DNAH9: variants seen among roughly 807,000 people sequenced by gnomAD.
DNAH9 encodes the protein dynein axonemal heavy chain 9.
In DNAH9, 345 loss-of-function variants were observed where a neutral mutation model predicts 471.6. The observed-to-expected ratio is 0.73, with a 90% CI of 0.67 to 0.80. The LOEUF (loss-of-function observed/expected upper bound fraction) is 0.80. Among genes scored for constraint, DNAH9 ranks in the 30% least tolerant of loss-of-function variants. The probability of loss-of-function intolerance (pLI) is 0.00; values close to 1 mark genes in which losing one functional copy is unlikely to be tolerated. For synonymous variants in DNAH9, 2,093 were observed against 2,123.6 expected, an observed-to-expected ratio of 0.99 and a Z score of 0.40; for missense variants, 5,407 against 5,609.2, an observed-to-expected ratio of 0.96 and a Z score of 1.15.
chr17:11,794,008 G>T (rs990487585), intron 42 of DNAH9, among the ~76,000 whole-genome samples: 3 of 151,386 alleles, frequency 2.0e-5, no homozygotes, highest in African/African-American at 7.3e-5. Flanking sequence ...GCCATTTTGG[G>T]GCTGCTAATA....
intron 33 of DNAH9, among the ~76,000 whole-genome samples, 197 bp from the exon 34 acceptor site, chr17:11,756,371 T>G (rs1197125771): frequency 6.6e-6 from 1 of 152,066 alleles, no homozygotes; most frequent in Non-Finnish European, 1.5e-5. Flanking sequence ...TGTCTCCCAC[T>G]GGGTCCCTCC....
chr17:11,930,631 C>G (rs1974475113), intron 63 of DNAH9, among the ~76,000 whole-genome samples: 1 of 151,986 alleles, frequency 6.6e-6, no homozygotes, highest in East Asian at 1.9e-4. Context: ...GTTAGAAATG[C>G]AGATTTTTCT....
In DNAH9 at chr17:11,900,244, G is replaced by T. The variant is rs985337289; in HGVS notation, c.11407-2475G>T. The stretch of plus-strand genomic sequence containing the variant: ...CACACGACTTATCTGCACCATTGAA[G>T]GATGATTCCCTGCTGTAAGTGATCA... On this transcript the variant is annotated intron_variant, in intron 59 of 68. Transcript: ENST00000262442. Among the ~76,000 whole-genome samples, 8 of 152,062 alleles carry T rather than the reference G, an allele frequency of 5.3e-5. No individual in the cohort carries two copies. In the South Asian group the frequency reaches 1.0e-3, roughly 20 times the overall value.
At position 11,874,971 on chromosome 17, in the gene DNAH9, C is replaced by T; in HGVS notation, c.10265C>T (p.Ala3422Val). 4 of 1,614,024 alleles carry T rather than the reference C, an allele frequency of 2.5e-6. No homozygotes were observed. The highest frequency in any genetic ancestry group is 2.2e-5 in the East Asian group (1 of 44,858). ...CAGACTCCCATTCCAGTCACCCCAG[C>T]CCTGGATCCCCTGAGGATGCTGATG... ...QLKTPIPVTP[A>V]LDPLRMLMDD... The change falls in exon 53 of 69, where the codon GCC becomes GTC. Residue 3422 changes from alanine (A) to valine (V), a missense_variant. Around this residue, in one of 3 missense-constraint regions of DNAH9, gnomAD observed 4,636 missense variants for 4,900.3 expected, o/e 0.95. Transcript: ENST00000262442.
chr17:11,655,805 C>A (rs2073631338), intron 14 of DNAH9, among the ~76,000 whole-genome samples: 1 of 151,476 alleles, frequency 6.6e-6, no homozygotes, highest in South Asian at 2.1e-4. Flanking sequence ...TAAGTGGGAG[C>A]TAAACTATGA....
At chr17:11,611,582 G>A in intron 3 of DNAH9, 68 bp from the exon 4 acceptor site, 1 of 1,483,244 alleles carries the variant, frequency 6.7e-7, no homozygotes, top group Non-Finnish European at 9.3e-7. Flanking sequence ...GTGTGACGAT[G>A]GGTCATCACA....
chr17:11,781,583 C>T (rs568995526), intron 39 of DNAH9, among the ~76,000 whole-genome samples: 1 of 152,288 alleles, frequency 6.6e-6, no homozygotes, highest in East Asian at 1.9e-4. Context: ...CCTGTAATCC[C>T]AGCACTTTGG....
chr17:11,618,501 G>T (rs184139910), intron 5 of DNAH9, among the ~76,000 whole-genome samples: 1 of 151,242 alleles, frequency 6.6e-6, no homozygotes, highest in African/African-American at 2.4e-5. Context: ...CAGGAGAATC[G>T]CTTGAACCCG....
intron 26 of DNAH9, among the ~76,000 whole-genome samples, chr17:11,711,893 TAA>T (rs376201450): frequency 0.35 from 5,292 of 15,158 alleles, 2,027 homozygotes; most frequent in Middle Eastern, 0.53. Context: ...TATTTATATA[TAA>T]ATATATATAT....
At chr17:11,779,006 CA>C (rs1009557582) in intron 38 of DNAH9, among the ~76,000 whole-genome samples, 1 of 150,006 alleles carries the variant, frequency 6.7e-6, no homozygotes. Flanking sequence ...AACTCCATCT[CA>C]AAAAAAAAGA....
At chr17:11,909,724 T>A (rs1265895562) in intron 61 of DNAH9, among the ~76,000 whole-genome samples, 1 of 151,848 alleles carries the variant, frequency 6.6e-6, no homozygotes, top group African/African-American at 2.4e-5. Flanking sequence ...ACTCTCCTCG[T>A]GCTCCCAAAT....
chr17:11,874,346 C>T (rs895711030), intron 52 of DNAH9, among the ~76,000 whole-genome samples: 4 of 152,042 alleles, frequency 2.6e-5, no homozygotes, highest in African/African-American at 9.7e-5. Flanking sequence ...CTAAGAGAGG[C>T]CACAGGCAAG....
chr17:11,673,027 GACTGTTTAA>G (rs2073995788), intron 17 of DNAH9, among the ~76,000 whole-genome samples: 2 of 152,058 alleles, frequency 1.3e-5, no homozygotes, highest in South Asian at 4.2e-4. Flanking sequence ...GTAAAACCCT[GACTGTTTAA>G]ACTCAGTGCT....
chr17:11,745,477 G>A (rs747232681), intron 31 of DNAH9, among the ~76,000 whole-genome samples: 5 of 152,122 alleles, frequency 3.3e-5, no homozygotes, highest in Admixed American at 2.0e-4. Flanking sequence ...ACCAGCAGAG[G>A]AGAATACCCC....
intron 19 of DNAH9, among the ~76,000 whole-genome samples, chr17:11,683,353 T>C (rs1362559706): frequency 6.6e-6 from 1 of 152,166 alleles, no homozygotes; most frequent in Non-Finnish European, 1.5e-5. Context: ...TTTGTATTTT[T>C]AGTAGAGGCA....
At chr17:11,891,130 C>T (rs1360494984) in intron 57 of DNAH9, among the ~76,000 whole-genome samples, 1 of 152,110 alleles carries the variant, frequency 6.6e-6, no homozygotes, top group Non-Finnish European at 1.5e-5. Flanking sequence ...TGAGTTTATA[C>T]ACATAATGTG....
chr17:11,847,125 A>T (rs1320696911), intron 49 of DNAH9, among the ~76,000 whole-genome samples: 2 of 152,146 alleles, frequency 1.3e-5, no homozygotes, highest in Non-Finnish European at 2.9e-5. Flanking sequence ...TGTCAGATCC[A>T]AGCTTGCAAA....
intron 35 of DNAH9, among the ~76,000 whole-genome samples, chr17:11,761,379 CG>C (rs1388917288): frequency 1.3e-5 from 2 of 152,070 alleles, no homozygotes; most frequent in Non-Finnish European, 2.9e-5. Context: ...GCTGTAAAAG[CG>C]GGGTGGAGAG....
At chr17:11,663,652 T>G (rs2073814859) in intron 14 of DNAH9, among the ~76,000 whole-genome samples, 1 of 152,246 alleles carries the variant, frequency 6.6e-6, no homozygotes, top group East Asian at 1.9e-4. Context: ...ACACGTTTGT[T>G]TCTTAGACCG....
Sources: allele counts gnomAD v4.1 joint callset (sites outside exome capture counted in the v4.1 genomes callset), GRCh38; gene constraint gnomAD v4.1.1; regional missense constraint gnomAD v4.1.1; transcripts MANE v1.5; gene names NCBI Gene and HGNC (gene_info 2026-07-23, HGNC 2026-07-21).